Variants in BIN3 observed in about 807,000 individuals in gnomAD.
The protein encoded by BIN3 is bridging integrator 3.
Under a neutral mutation model 38.2 loss-of-function variants are expected in BIN3, and 41 were observed. The ratio of observed to expected loss-of-function variants is 1.07; its 90% confidence interval spans 0.84 to 1.39. The LOEUF is 1.39. Among genes scored for constraint, BIN3 ranks in the 40% most tolerant of loss-of-function variants. The pLI is 0.00. For missense variants in BIN3, 361 were observed against 324.3 expected (o/e 1.11, Z -0.87); for synonymous variants, 145 against 122.6 (o/e 1.18, Z -1.21).
intron 1 of BIN3, among the ~76,000 whole-genome samples, chr8:22,664,099 C>G (rs1803332593): frequency 6.6e-6 from 1 of 152,148 alleles, no homozygotes; most frequent in Non-Finnish European, 1.5e-5. Flanking sequence ...CTATACTGGG[C>G]CCTATTTGAT....
chr8:22,662,394 T>C (rs1381306956), intron 1 of BIN3, among the ~76,000 whole-genome samples: 1 of 152,260 alleles, frequency 6.6e-6, no homozygotes, highest in African/African-American at 2.4e-5. Context: ...GTTGGTTTAA[T>C]CTGTTTTTCC....
intron 1 of BIN3, among the ~76,000 whole-genome samples, chr8:22,650,429 C>T (rs948985226): frequency 3.3e-5 from 5 of 152,098 alleles, no homozygotes; most frequent in Non-Finnish European, 7.4e-5. Context: ...CTACTAAATC[C>T]GCCTTTTGTG....
At chr8:22,621,763 G>A (rs1329691650) in intron 8 of BIN3, among the ~76,000 whole-genome samples, 195 bp from the exon 9 acceptor site, 1 of 152,216 alleles carries the variant, frequency 6.6e-6, no homozygotes, top group Non-Finnish European at 1.5e-5. Context: ...GAGCAACAGG[G>A]CCTCAGTGGC....
chr8:22,652,573 C>A (rs1802938150), intron 1 of BIN3, among the ~76,000 whole-genome samples: 1 of 152,242 alleles, frequency 6.6e-6, no homozygotes, highest in Non-Finnish European at 1.5e-5. Flanking sequence ...GCGTTCACTT[C>A]ATCCTCCCGA....
intron 4 of BIN3, among the ~76,000 whole-genome samples, chr8:22,632,659 A>G (rs2117523396): frequency 6.6e-6 from 1 of 152,080 alleles, no homozygotes; most frequent in Admixed American, 6.5e-5. Context: ...TCTGAGGAAA[A>G]CAACCCAAAA....
intron 4 of BIN3, among the ~76,000 whole-genome samples, chr8:22,632,135 C>T (rs1312542758): frequency 6.6e-6 from 1 of 152,232 alleles, no homozygotes; most frequent in Non-Finnish European, 1.5e-5. Flanking sequence ...TCAAACCAGG[C>T]TACACTTTCA....
At chr8:22,621,589 T>A in intron 8 of BIN3, 21 bp from the exon 9 acceptor site, 2 of 1,611,594 alleles carry the variant, frequency 1.2e-6, no homozygotes, top group Non-Finnish European at 1.7e-6. Context: ...CGACAGGGGT[T>A]GGCACGTGCT....
chr8:22,647,235 A>G (rs1025208287), intron 1 of BIN3, among the ~76,000 whole-genome samples: 7 of 152,226 alleles, frequency 4.6e-5, no homozygotes, highest in Non-Finnish European at 8.8e-5. Flanking sequence ...GGAGTTTAGT[A>G]CTGTAGACAA....
intron 8 of BIN3, among the ~76,000 whole-genome samples, chr8:22,623,121 T>A (rs1050521503): frequency 1.3e-5 from 2 of 152,114 alleles, no homozygotes; most frequent in African/African-American, 4.8e-5. Context: ...CCTGGCAGGG[T>A]GCCACGGGTG....
At chr8:22,666,997 T>C (rs541039615) in intron 1 of BIN3, among the ~76,000 whole-genome samples, 4 of 152,132 alleles carry the variant, frequency 2.6e-5, no homozygotes, top group South Asian at 2.1e-4. Context: ...TTGCCAGCCA[T>C]TGAGCTAGGA....
intron 4 of BIN3, among the ~76,000 whole-genome samples, chr8:22,634,903 C>A (rs1042435460): frequency 6.6e-6 from 1 of 152,166 alleles, no homozygotes; most frequent in Non-Finnish European, 1.5e-5. Context: ...AATGGACATG[C>A]CCATTTATAA....
chr8:22,639,084 G>A (rs2117542577), intron 2 of BIN3, among the ~76,000 whole-genome samples: 1 of 152,374 alleles, frequency 6.6e-6, no homozygotes, highest in South Asian at 2.1e-4. Flanking sequence ...TTGGTGTGAA[G>A]GAGCCTCGCC....
chr8:22,644,791 C>A lies in BIN3; in HGVS notation c.21G>T (p.Lys7Asn). Reference protein sequence around the residue: MSWIPFKIGQPKKQIVP... With the variant: MSWIPFNIGQPKKQIVP... ...CAATCTGTTTCTTGGGCTGCCCAATCTTAAAAGGAATCCTATAAGAGAAAG... is the reference window on the plus strand; with the variant it reads ...CAATCTGTTTCTTGGGCTGCCCAATATTAAAAGGAATCCTATAAGAGAAAG... The change falls in exon 2 of 9, where the codon AAG becomes AAT. Residue 7 changes from lysine to asparagine, a missense_variant. By Grantham distance (94) the Lys-to-Asn change is moderately conservative (BLOSUM62 0). Transcript: ENST00000276416. 6.2e-7 allele frequency: 1 copy of A among 1,611,044 alleles called. No individual in the cohort carries two copies. Among genetic ancestry groups the A allele is most frequent in the Non-Finnish European group, 8.5e-7 (1 of 1,178,412 alleles).
Position 22,621,549 on chromosome 8 carries a change from A to G in BIN3, c.635T>C (p.Met212Thr), listed in dbSNP as rs1179809976. The G allele has an allele frequency of 1.2e-6, 2 of 1,613,660 alleles. No homozygotes were observed. The highest frequency in any genetic ancestry group is 1.7e-6 in the Non-Finnish European group (2 of 1,179,870). ...GGACAGGTCTCCAAAGATCTTGTGCATTTCCGAGTAGTACACAACCTGGGG... is the reference window on the plus strand; with the variant it reads ...GGACAGGTCTCCAAAGATCTTGTGCGTTTCCGAGTAGTACACAACCTGGGG... Reference protein sequence around the residue: ...IRAQVVYYSEMHKIFGDLSHQ... With the variant: ...IRAQVVYYSETHKIFGDLSHQ... Residue 212 changes from methionine to threonine, a missense_variant, in exon 9 of 9, where the codon ATG (methionine) becomes ACG (threonine). Met to Thr is a moderately conservative substitution (Grantham distance 81). Coordinates refer to ENST00000276416, the MANE Select transcript of BIN3 (RefSeq NM_018688.6).
chr8:22,660,727 G>C (rs986151748), intron 1 of BIN3, among the ~76,000 whole-genome samples: 2 of 152,008 alleles, frequency 1.3e-5, no homozygotes, highest in Non-Finnish European at 2.9e-5. Flanking sequence ...AAAATACAGG[G>C]AATATATAAT....
intron 6 of BIN3, chr8:22,629,659 C>T: frequency 2.0e-6 from 1 of 498,586 alleles, no homozygotes; most frequent in South Asian, 2.7e-5. Context: ...GCCCTGGCCC[C>T]AGTGGCTCTC....
chr8:22,655,884 C>T (rs1803042407), intron 1 of BIN3, among the ~76,000 whole-genome samples: 1 of 152,192 alleles, frequency 6.6e-6, no homozygotes, highest in African/African-American at 2.4e-5. Context: ...ATTTTATCAG[C>T]ATTAAATGCA....
At chr8:22,654,186 T>C (rs1294481222) in intron 1 of BIN3, among the ~76,000 whole-genome samples, 1 of 152,198 alleles carries the variant, frequency 6.6e-6, no homozygotes, top group African/African-American at 2.4e-5. Context: ...TGCACCCTAA[T>C]TCCCAAATTT....
intron 1 of BIN3, among the ~76,000 whole-genome samples, chr8:22,648,894 C>CGTATGCAT (rs1802792468): frequency 6.8e-6 from 1 of 147,902 alleles, no homozygotes; most frequent in African/African-American, 2.5e-5. Context: ...TCCACATCAA[C>CGTATGCAT]GTATGTATGT....
Sources: allele counts gnomAD v4.1 joint callset (sites outside exome capture counted in the v4.1 genomes callset), GRCh38; gene constraint gnomAD v4.1.1; transcripts MANE v1.5; gene names NCBI Gene and HGNC (gene_info 2026-07-23, HGNC 2026-07-21).